Variants in MTMR4 observed in about 807,000 individuals in gnomAD.
MTMR4 encodes myotubularin related protein 4.
MTMR4 carries 30 observed loss-of-function variants against 125.5 expected under a neutral mutation model. The observed-to-expected ratio is 0.24, with a 90% CI of 0.18 to 0.32. The LOEUF is 0.32. MTMR4 is among the 10% of genes least tolerant of loss of function. The probability of loss-of-function intolerance (pLI) is 1.00; values close to 1 mark genes in which losing one functional copy is unlikely to be tolerated. For missense variants in MTMR4, 1,039 were observed against 1,511.5 expected (o/e 0.69, Z 5.18); for synonymous variants, 498 against 564.5 (o/e 0.88, Z 1.67).
chr17:58,504,336 G>T lies in MTMR4; in HGVS notation c.1494C>A (p.Phe498Leu). 1 of 1,614,046 alleles carries T rather than the reference G, an allele frequency of 6.2e-7. No individual in the cohort carries two copies. Among genetic ancestry groups the T allele is most frequent in the Non-Finnish European group, 8.5e-7 (1 of 1,179,970 alleles). ...CTTCATTAAATTCAAACAGGCAGGG[G>T]AACTGCTTAAGCAACTGATGAACAG... ...LDSVHQLLKQ[F>L]PCLFEFNEAF... The change falls in exon 12 of 18, where the codon TTC becomes TTA. Residue 498 changes from phenylalanine to leucine, a missense_variant. Coordinates refer to ENST00000682306, the MANE Select transcript of MTMR4 (RefSeq NM_001378067.1). The surrounding 1 kb of genome is among the most constrained non-coding windows in gnomAD (Gnocchi z 7.1).
upstream of MTMR4, among the ~76,000 whole-genome samples, chr17:58,516,075 TGATA>T (rs1469551569): frequency 6.6e-6 from 1 of 152,246 alleles, no homozygotes; most frequent in Non-Finnish European, 1.5e-5. Flanking sequence ...GATGCTATCC[TGATA>T]GATATTCAAT....
upstream of MTMR4, chr17:58,514,898 T>G: frequency 9.0e-6 from 3 of 333,160 alleles, no homozygotes; most frequent in Non-Finnish European, 8.3e-6. Context: ...CCCCCTCCCC[T>G]AAGTTCCCCC....
chr17:58,498,910 T>C (rs1975545101), intron 14 of MTMR4, among the ~76,000 whole-genome samples: 1 of 152,182 alleles, frequency 6.6e-6, no homozygotes, highest in Non-Finnish European at 1.5e-5. Flanking sequence ...TTCAATTCTG[T>C]AGCCTGCCAA....
In MTMR4 at chr17:58,508,255, G is replaced by A. The variant is rs766535345; in HGVS notation, c.613C>T (p.Gln205Ter). The change falls in exon 7 of 18, where the codon CAG becomes TAG. Residue 205 changes from glutamine to a stop codon, truncating the protein, a stop_gained. Transcript: ENST00000682306. LOFTEE classifies it high-confidence loss of function. The surrounding 1 kb of genome is among the most constrained non-coding windows in gnomAD (Gnocchi z 4.8). ...SNYKLCPSYP[Q>*]KLLVPVWITD... ...ATCCACACAGGAACCAGCAGCTTCT[G>A]GGGGTAACTGGGGCACAATCTGAGA... is the stretch of plus-strand genomic sequence containing the variant. The A allele has an allele frequency of 6.2e-7, 1 of 1,614,036 alleles. No individual in the cohort carries two copies. Among genetic ancestry groups the A allele is most frequent in the African/African-American group, 1.3e-5 (1 of 75,028 alleles).
At chr17:58,507,496 C>A (rs1975809381) in intron 7 of MTMR4, among the ~76,000 whole-genome samples, 177 bp from the exon 8 acceptor site, 1 of 152,228 alleles carries the variant, frequency 6.6e-6, no homozygotes, top group African/African-American at 2.4e-5. Flanking sequence ...AGCACCATCA[C>A]ACATACTTTC....
chr17:58,489,572 T>C lies in MTMR4; in HGVS notation c.*2091A>G, dbSNP rs192752194. ...AGATTTTATTTAAACTGTATTGAAT[T>C]TTTACAGCACATTGCATGTTTGTCA... On this transcript the variant is annotated 3_prime_UTR_variant, in exon 18 of 18. Transcript: ENST00000682306. 6.6e-6 allele frequency: 1 copy of C among 152,298 alleles called. No homozygotes were observed. The highest frequency in any genetic ancestry group is 1.5e-5 in the Non-Finnish European group (1 of 68,024). The allele number at this position is 152,298 out of a possible 1,614,324, so 9.4% of individuals were successfully genotyped here.
intron 15 of MTMR4, among the ~76,000 whole-genome samples, chr17:58,494,280 G>C (rs1329823434): frequency 7.2e-6 from 1 of 139,620 alleles, no homozygotes; most frequent in Admixed American, 7.8e-5. Context: ...GAGATTGCAC[G>C]ACTGCACTCC....
Position 58,493,544 on chromosome 17 carries a change from G to A in MTMR4, c.3253-592C>T, listed in dbSNP as rs140985789. Among the ~76,000 whole-genome samples, 594 of 152,206 alleles carry A rather than the reference G, an allele frequency of 3.9e-3. 8 individuals are homozygous for A. The highest frequency in any genetic ancestry group is 0.013 in the African/African-American group (558 of 41,500). ...ATTTTTTGTAATTTTTGTAGAGATG[G>A]GGTTTCACCATGTTGCCTAGGCTGG... On this transcript the variant is annotated intron_variant, in intron 15 of 17. Transcript: ENST00000682306.
In MTMR4 at chr17:58,508,985, G is replaced by A. The variant is rs774823501; in HGVS notation, c.336-144C>T. On this transcript the variant is annotated intron_variant, in intron 4 of 17. Transcript: ENST00000682306. The surrounding 1 kb of genome is among the most constrained non-coding windows in gnomAD (Gnocchi z 4.8). Reference sequence around the variant, plus strand: ...GTAAAGCAGTGGGGACCCAGGGTGGGGGGACGAGGGACACTGGCCAACACC... The same window carrying A: ...GTAAAGCAGTGGGGACCCAGGGTGGAGGGACGAGGGACACTGGCCAACACC... 4.8e-5 allele frequency: 39 copies of A among 804,824 alleles called. No individual in the cohort carries two copies. The highest frequency in any genetic ancestry group is 7.1e-5 in the Non-Finnish European group (37 of 518,158). 49.9% of individuals were successfully genotyped at this position (804,824 alleles called of 1,614,324 possible).
intron 14 of MTMR4, among the ~76,000 whole-genome samples, chr17:58,503,183 G>A (rs189625236): frequency 1.3e-5 from 2 of 152,192 alleles, no homozygotes; most frequent in African/African-American, 4.8e-5. Context: ...TTTCTGTTTT[G>A]TTCTCTCCCC....
intron 7 of MTMR4, 73 bp from the exon 8 acceptor site, chr17:58,507,392 C>A (rs1439968845): frequency 3.5e-6 from 5 of 1,418,728 alleles, no homozygotes; most frequent in Non-Finnish European, 4.8e-6. Context: ...GGGGTTAGAC[C>A]AAAGTCTCTA....
In MTMR4 at chr17:58,494,842, C is replaced by G; in HGVS notation, c.3252+90G>C. 4 of 1,252,582 alleles carry G rather than the reference C, an allele frequency of 3.2e-6. No homozygotes were observed. In the Admixed American group the frequency reaches 6.5e-5, roughly 20 times the overall value. 77.6% of individuals were successfully genotyped at this position (1,252,582 alleles called of 1,614,324 possible). A position where few individuals can be genotyped will look rare whatever the true frequency, so the allele number is the denominator to read the frequency against. ...CCCAGGCACCTAACTCAGTGGCACACAGCAAGTACCCAACGAATAAATGCT... is the reference window on the plus strand; with the variant it reads ...CCCAGGCACCTAACTCAGTGGCACAGAGCAAGTACCCAACGAATAAATGCT... On this transcript the variant is annotated intron_variant, in intron 15 of 17. Coordinates refer to ENST00000682306, the MANE Select transcript of MTMR4 (RefSeq NM_001378067.1).
At chr17:58,505,444 G>A in intron 10 of MTMR4, 28 bp downstream of exon 10, 3 of 1,539,554 alleles carry the variant, frequency 1.9e-6, no homozygotes, top group South Asian at 1.1e-5. Context: ...GAATGAGACT[G>A]GAAGGAATCC....
intron 17 of MTMR4, 75 bp downstream of exon 17, chr17:58,492,436 T>G: frequency 7.6e-7 from 1 of 1,322,530 alleles, no homozygotes; most frequent in Non-Finnish European, 1.1e-6. Flanking sequence ...CCCAAGGTGT[T>G]GGCATTACAG....
At chr17:58,494,808 A>C (rs1975409074) in intron 15 of MTMR4, 124 bp downstream of exon 15, 1 of 824,232 alleles carries the variant, frequency 1.2e-6, no homozygotes, top group South Asian at 1.8e-5. Context: ...CTTGTTTTTC[A>C]TCCTATAGCC....
Position 58,508,978 on chromosome 17 carries a change from A to T in MTMR4, c.336-137T>A. 1.1e-6 allele frequency: 1 copy of T among 916,312 alleles called. No individual in the cohort carries two copies. The highest frequency in any genetic ancestry group is 1.8e-5 in the South Asian group (1 of 57,134). 56.8% of individuals were successfully genotyped at this position (916,312 alleles called of 1,614,324 possible). A position where few individuals can be genotyped will look rare whatever the true frequency, so the allele number is the denominator to read the frequency against. On this transcript the variant is annotated intron_variant, in intron 4 of 17. Coordinates refer to ENST00000682306, the MANE Select transcript of MTMR4 (RefSeq NM_001378067.1). The surrounding 1 kb of genome is among the most constrained non-coding windows in gnomAD (Gnocchi z 4.8). ...GCAAGAGGTAAAGCAGTGGGGACCC[A>T]GGGTGGGGGGACGAGGGACACTGGC...
At chr17:58,502,080 A>C (rs549967581) in intron 14 of MTMR4, among the ~76,000 whole-genome samples, 18 of 152,164 alleles carry the variant, frequency 1.2e-4, no homozygotes, top group East Asian at 3.9e-4. Flanking sequence ...CAAAACAAAA[A>C]AAAAACACAC....
Position 58,513,400 on chromosome 17 carries a change from G to C in MTMR4, c.46-459C>G, listed in dbSNP as rs191635829. On this transcript the variant is annotated intron_variant, in intron 1 of 17. Transcript: ENST00000682306. The stretch of plus-strand genomic sequence containing the variant: ...AAGCCACTGAAGCTTCAATCTGGTG[G>C]GTGAAGGAGACAAAGAGGAGTGGGT... 5.3e-5 allele frequency among the ~76,000 whole-genome samples: 8 copies of C among 152,200 alleles called. No homozygotes were observed. In the East Asian group the frequency reaches 1.6e-3, roughly 29 times the overall value.
Position 58,508,654 on chromosome 17 carries a change from C to A in MTMR4, c.496+27G>T. 1 of 1,613,514 alleles carries A rather than the reference C, an allele frequency of 6.2e-7. No homozygotes were observed. The highest frequency in any genetic ancestry group is 1.7e-5 in the Admixed American group (1 of 60,016). ...TGAGAACTAAGGGGTAAGAAGCAGC[C>A]TCCCAAAGAAAATAGACTGGCCTCA... On this transcript the variant is annotated intron_variant, in intron 5 of 17. Coordinates refer to ENST00000682306, the MANE Select transcript of MTMR4 (RefSeq NM_001378067.1). The surrounding 1 kb of genome is among the most constrained non-coding windows in gnomAD (Gnocchi z 4.8).
Sources: allele counts gnomAD v4.1 joint callset (sites outside exome capture counted in the v4.1 genomes callset), GRCh38; gene constraint gnomAD v4.1.1; non-coding constraint Gnocchi (gnomAD v3.1); transcripts MANE v1.5; gene names NCBI Gene and HGNC (gene_info 2026-07-23, HGNC 2026-07-21).